The following DENND1A variants were observed in gnomAD, a reference collection of about 807,000 sequenced individuals.
DENND1A encodes the protein DENN domain containing 1A.
In DENND1A, 51 loss-of-function variants were observed where a neutral mutation model predicts 113.7. The observed-to-expected ratio is 0.45, with a 90% CI of 0.36 to 0.57. DENND1A has a LOEUF of 0.57. Ranked by LOEUF, DENND1A falls within the 20% of genes least tolerant of loss-of-function variation. The pLI, the probability that DENND1A is intolerant of heterozygous loss-of-function variation, is 0.00. For synonymous variants in DENND1A, 565 were observed against 570.8 expected, an observed-to-expected ratio of 0.99 and a Z score of 0.14; for missense variants, 1,258 against 1,395.9, an observed-to-expected ratio of 0.90 and a Z score of 1.57.
chr9:123,392,191 A>G (rs2042891017), intron 21 of DENND1A, among the ~76,000 whole-genome samples: 1 of 152,150 alleles, frequency 6.6e-6, no homozygotes, highest in African/African-American at 2.4e-5. Flanking sequence ...CCGCGCCGGG[A>G]TCGCACCGGC....
chr9:123,388,736 A>G (rs1354272820), intron 21 of DENND1A, among the ~76,000 whole-genome samples: 1 of 152,342 alleles, frequency 6.6e-6, no homozygotes, highest in East Asian at 1.9e-4. Flanking sequence ...CATGAATTAT[A>G]TACTGACCAG....
At chr9:123,921,571 T>C (rs958554341) in intron 1 of DENND1A, among the ~76,000 whole-genome samples, 6 of 152,224 alleles carry the variant, frequency 3.9e-5, no homozygotes, top group African/African-American at 1.2e-4. Context: ...AAAGGTGGTT[T>C]TTCTTTTCCC....
At chr9:123,503,831 A>G (rs1429031457) in intron 13 of DENND1A, among the ~76,000 whole-genome samples, 2 of 152,160 alleles carry the variant, frequency 1.3e-5, no homozygotes, top group African/African-American at 4.8e-5. Flanking sequence ...CTTGATGGTC[A>G]ATGAGTCTGA....
In DENND1A at chr9:123,381,506, T is replaced by G. The variant is rs754188975; in HGVS notation, c.3139A>C (p.Ser1047Arg). 1 of 1,613,372 alleles carries G rather than the reference T, an allele frequency of 6.2e-7. No individual in the cohort carries two copies. The highest frequency in any genetic ancestry group is 1.1e-5 in the South Asian group (1 of 91,040). The change falls in exon 24 of 24, where the codon AGC becomes CGC. Residue 1047 changes from serine (S) to arginine (R), a missense_variant. By Grantham distance (110) the Ser-to-Arg change is moderately radical (BLOSUM62 -1). This residue lies in a region of DENND1A where 1,159 missense variants were observed against 1,231.7 expected (regional missense o/e 0.94). Transcript: ENST00000394215. This position sits in a 1 kb window ranked among gnomAD's most constrained non-coding sequence, Gnocchi z 4.7. The part of the protein sequence containing the change: ...DLLQKTKQDV[S>R]PSPALAPAPD... ...GCCGGGGCCAGGGCCGGACTCGGGC[T>G]CACGTCTTGCTTGGTTTTCTGTAAC...
At chr9:123,485,533 G>A (rs1027366991) in intron 13 of DENND1A, 15 of 152,148 alleles carry the variant, frequency 9.9e-5, no homozygotes, top group African/African-American at 3.6e-4. Context: ...TGCGAGCAGG[G>A]CTCCCCCACC....
intron 10 of DENND1A, among the ~76,000 whole-genome samples, chr9:123,613,914 G>C (rs919223032): frequency 1.3e-4 from 20 of 152,294 alleles, no homozygotes; most frequent in African/African-American, 4.8e-4. Flanking sequence ...GAGAGTAAAA[G>C]TGACTCTTTT....
At chr9:123,454,849 C>CTTTTT (rs764248245) in intron 15 of DENND1A, 70 bp from the exon 16 acceptor site, 4 of 1,020,062 alleles carry the variant, frequency 3.9e-6, no homozygotes, top group South Asian at 1.5e-5. Context: ...CTTAAAATTG[C>CTTTTT]TTTTTTTTTT....
At position 123,381,133 on chromosome 9, in the gene DENND1A, T is replaced by G; in HGVS notation, c.*299A>C. 1 of 400,792 alleles carries G rather than the reference T, an allele frequency of 2.5e-6. No homozygotes were observed. The highest frequency in any genetic ancestry group is 4.6e-6 in the Non-Finnish European group (1 of 218,218). 24.8% of individuals were successfully genotyped at this position (400,792 alleles called of 1,614,324 possible). On this transcript the variant is annotated 3_prime_UTR_variant, in exon 24 of 24. Transcript: ENST00000394215. This position sits in a 1 kb window ranked among gnomAD's most constrained non-coding sequence, Gnocchi z 4.7. ...GGGTAGGACTCGGTCTGGAGCAATA[T>G]CATTGGCCCAGCTGACCTCTTTAGT...
intron 2 of DENND1A, among the ~76,000 whole-genome samples, chr9:123,829,659 A>T (rs887583781): frequency 1.3e-5 from 2 of 152,124 alleles, no homozygotes; most frequent in Non-Finnish European, 2.9e-5. Context: ...ACAAAAAAAG[A>T]ACTGATACAA....
chr9:123,758,508 T>G (rs1006389779), intron 4 of DENND1A, among the ~76,000 whole-genome samples: 1 of 152,188 alleles, frequency 6.6e-6, no homozygotes, highest in Non-Finnish European at 1.5e-5. Flanking sequence ...AAATTGAAAC[T>G]GGAAAGAAAA....
chr9:123,685,303 G>A (rs1420912481), intron 5 of DENND1A, among the ~76,000 whole-genome samples: 1 of 152,206 alleles, frequency 6.6e-6, no homozygotes, highest in African/African-American at 2.4e-5. Flanking sequence ...TGGGCATTCT[G>A]CTTTGCTCAC....
chr9:123,528,029 A>G (rs1232311174), intron 13 of DENND1A, among the ~76,000 whole-genome samples: 1 of 152,216 alleles, frequency 6.6e-6, no homozygotes, highest in Non-Finnish European at 1.5e-5. Context: ...GGCATCAGAC[A>G]TGTTTTAAAA....
intron 5 of DENND1A, among the ~76,000 whole-genome samples, chr9:123,717,673 G>T (rs907441799): frequency 6.6e-6 from 1 of 152,172 alleles, no homozygotes; most frequent in African/African-American, 2.4e-5. Context: ...TTAATGTAAG[G>T]CTTTTATATC....
intron 5 of DENND1A, among the ~76,000 whole-genome samples, chr9:123,754,216 C>T (rs1420047864): frequency 1.3e-5 from 2 of 152,178 alleles, no homozygotes; most frequent in African/African-American, 2.4e-5. Context: ...GACAATACAA[C>T]AATGTAACCT....
At chr9:123,743,609 G>A (rs565378354) in intron 5 of DENND1A, among the ~76,000 whole-genome samples, 1 of 151,672 alleles carries the variant, frequency 6.6e-6, no homozygotes, top group African/African-American at 2.4e-5. Flanking sequence ...GTGGGTGCCT[G>A]TAAGCTCAGC....
intron 5 of DENND1A, among the ~76,000 whole-genome samples, chr9:123,742,217 C>T (rs2069090323): frequency 6.6e-6 from 1 of 151,286 alleles, no homozygotes; most frequent in African/African-American, 2.4e-5. Context: ...AAGGGGCGTC[C>T]TCTGTTTCCA....
At chr9:123,661,532 T>C (rs569531645) in intron 8 of DENND1A, among the ~76,000 whole-genome samples, 5 of 152,336 alleles carry the variant, frequency 3.3e-5, no homozygotes, top group African/African-American at 1.2e-4. Flanking sequence ...ATTCTGATAC[T>C]GATATTTGAG....
intron 10 of DENND1A, among the ~76,000 whole-genome samples, chr9:123,611,377 A>G (rs2060412845): frequency 6.6e-6 from 1 of 152,204 alleles, no homozygotes; most frequent in Non-Finnish European, 1.5e-5. Context: ...ACTGAAATGA[A>G]TGTGTTTCTA....
intron 19 of DENND1A, among the ~76,000 whole-genome samples, chr9:123,432,261 C>T (rs868268394): frequency 1.6e-4 from 24 of 152,232 alleles, no homozygotes; most frequent in African/African-American, 5.5e-4. Flanking sequence ...AAGGAGCAAA[C>T]CCCAGCCTTG....
Sources: gnomAD v4.1 joint callset for allele counts (sites outside exome capture counted in the v4.1 genomes callset) on GRCh38, gnomAD v4.1.1 for gene constraint, gnomAD v4.1.1 regional missense constraint, Gnocchi (gnomAD v3.1) non-coding constraint, MANE v1.5 for transcripts, NCBI Gene and HGNC (gene_info 2026-07-23, HGNC 2026-07-21) for gene names.